RIOK1: variants seen among roughly 807,000 people sequenced by gnomAD.
RIOK1 encodes serine/threonine-protein kinase RIO1.
RIOK1 carries 66 observed loss-of-function variants against 73.5 expected under a neutral mutation model. The observed-to-expected ratio is 0.90, with a 90% CI of 0.74 to 1.10. RIOK1 has a LOEUF of 1.10. RIOK1 is among the 50% of genes least tolerant of loss of function. RIOK1 has a pLI of 0.00. For synonymous variants in RIOK1, 224 were observed against 226.8 expected, an observed-to-expected ratio of 0.99 and a Z score of 0.11; for missense variants, 658 against 699.8, an observed-to-expected ratio of 0.94 and a Z score of 0.67.
intron 6 of RIOK1, among the ~76,000 whole-genome samples, chr6:7,402,220 G>A (rs541448124): frequency 2.0e-5 from 3 of 152,198 alleles, no homozygotes; most frequent in Admixed American, 1.3e-4. Context: ...CAGGCTATAC[G>A]GTAGTTCCGA....
intron 6 of RIOK1, 119 bp from the exon 7 acceptor site, chr6:7,402,482 CAG>C (rs1234706523): frequency 1.4e-5 from 9 of 626,554 alleles, no homozygotes; most frequent in African/African-American, 9.3e-5. Context: ...ATTCAAAAGA[CAG>C]TGGTATTCCT....
chr6:7,401,027 G>A lies in RIOK1; in HGVS notation c.550G>A (p.Gly184Ser). The change falls in exon 6 of 17, where the codon GGC (glycine) becomes AGC (serine). Residue 184 changes from glycine to serine, a missense_variant. Physicochemically the swap from Gly to Ser is moderately conservative, Grantham distance 56. Transcript: ENST00000379834. The stretch of plus-strand genomic sequence containing the variant: ...TAGAGGAATCATAACAGAGATAAAT[G>A]GCTGCATTAGCACAGGAAAAGAAGT... Reference protein sequence around the residue: ...LTRGIITEINGCISTGKEANV... With the variant: ...LTRGIITEINSCISTGKEANV... 2 of 1,605,972 alleles carry A rather than the reference G, an allele frequency of 1.2e-6. No homozygotes were observed. The highest frequency in any genetic ancestry group is 1.7e-6 in the Non-Finnish European group (2 of 1,173,594).
In RIOK1 at chr6:7,412,883, T is replaced by C; in HGVS notation, c.1390-6T>C. On this transcript the variant is annotated splice_region_variant and splice_polypyrimidine_tract_variant and intron_variant, in intron 14 of 16. Coordinates refer to ENST00000379834, the MANE Select transcript of RIOK1 (RefSeq NM_031480.3). ...CTTATTTTTTTTTTTTCATTTTGGT[T>C]ATAAGATTCTATACCAGACTGTTAC... is the stretch of plus-strand genomic sequence containing the variant. The C allele has an allele frequency of 6.7e-7, 1 of 1,499,264 alleles. No homozygotes were observed. Among genetic ancestry groups the C allele is most frequent in the South Asian group, 1.3e-5 (1 of 78,378 alleles). 92.9% of individuals were successfully genotyped at this position (1,499,264 alleles called of 1,614,324 possible). A position where few individuals can be genotyped will look rare whatever the true frequency, so the allele number is the denominator to read the frequency against.
rs1761857768 is a variant in RIOK1, at chr6:7,410,416, G to C, written c.1234G>C (p.Glu412Gln). 1 of 1,612,964 alleles carries C rather than the reference G, an allele frequency of 6.2e-7. No homozygotes were observed. Among genetic ancestry groups the C allele is most frequent in the Admixed American group, 1.7e-5 (1 of 59,990 alleles). Reference protein sequence around the residue: ...AMEIASQRTKEERSSQDHVDE... With the variant: ...AMEIASQRTKQERSSQDHVDE... ...GGAAATAGCATCTCAAAGGACCAAG[G>C]AAGAACGGTCTAGCCAAGATCATGT... Residue 412 changes from glutamate to glutamine, a missense_variant, in exon 13 of 17, where the codon GAA becomes CAA. Coordinates refer to ENST00000379834, the MANE Select transcript of RIOK1 (RefSeq NM_031480.3).
chr6:7,394,899 T>C (rs1761433997), intron 2 of RIOK1, 154 bp from the exon 3 acceptor site: 1 of 1,187,552 alleles, frequency 8.4e-7, no homozygotes, highest in East Asian at 2.6e-5. Context: ...CTTTAAAAAA[T>C]TTTTTGAGCC....
At chr6:7,414,517 G>A (rs1761955203) in intron 16 of RIOK1, 127 bp downstream of exon 16, 2 of 876,568 alleles carry the variant, frequency 2.3e-6, no homozygotes, top group African/African-American at 3.4e-5. Flanking sequence ...TCTAATTACA[G>A]TTTTAATACC....
chr6:7,410,467 T>C lies in RIOK1; in HGVS notation c.1269+16T>C. On this transcript the variant is annotated intron_variant, in intron 13 of 16. Transcript: ENST00000379834. ...GGATGAAGAGGTAGGATTTATTATC[T>C]ATTCACAGCCTTTGGAAACACTTGT... 1.9e-6 allele frequency: 3 copies of C among 1,579,302 alleles called. No homozygotes were observed. The highest frequency in any genetic ancestry group is 1.7e-6 in the Non-Finnish European group (2 of 1,151,242).
At chr6:7,409,806 A>C (rs948100939) in intron 12 of RIOK1, among the ~76,000 whole-genome samples, 2 of 151,994 alleles carry the variant, frequency 1.3e-5, no homozygotes, top group Admixed American at 1.3e-4. Flanking sequence ...AAAAAAAAAA[A>C]AAAAAAAAAC....
chr6:7,390,272 T>C (rs1761296290), intron 1 of RIOK1, among the ~76,000 whole-genome samples, 199 bp downstream of exon 1: 1 of 152,214 alleles, frequency 6.6e-6, no homozygotes, highest in Non-Finnish European at 1.5e-5. Flanking sequence ...TGAAAGCTAC[T>C]TGTCAAGGGA....
Position 7,405,262 on chromosome 6 carries a change from G to A in RIOK1, c.1110G>A (p.Arg370=), listed in dbSNP as rs1459672700. 6.2e-7 allele frequency: 1 copy of A among 1,608,980 alleles called. No homozygotes were observed. Among genetic ancestry groups the A allele is most frequent in the East Asian group, 2.2e-5 (1 of 44,858 alleles). ...DCANVNDFFM[R]HSVAVMTVRE... ...TCCTTCTGACAGATTTCTTTATGAG[G>A]CACAGTGTTGCTGTCATGACTGTGC... Residue 370 remains arginine, a synonymous_variant, in exon 12 of 17, where the codon AGG becomes AGA. Transcript: ENST00000379834.
intron 12 of RIOK1, among the ~76,000 whole-genome samples, chr6:7,407,257 A>G (rs1761769572): frequency 6.6e-6 from 1 of 152,178 alleles, no homozygotes; most frequent in African/African-American, 2.4e-5. Flanking sequence ...ACCACCAACA[A>G]TGCACAAGGG....
At position 7,411,385 on chromosome 6, in the gene RIOK1, G is replaced by C. The variant is rs757044473; in HGVS notation, c.1323G>C (p.Glu441Asp). ...CCTTGAATGAAGTGAAAAATTATGA[G>C]AGGGATATGGACATAATTATGAAAT... The part of the protein sequence containing the change: ...PRTLNEVKNY[E>D]RDMDIIMKLK... The change falls in exon 14 of 17, where the codon GAG becomes GAC. Residue 441 changes from glutamate (E) to aspartate (D), a missense_variant. Physicochemically the swap from Glu to Asp is conservative, Grantham distance 45. Transcript: ENST00000379834. 1.2e-5 allele frequency: 19 copies of C among 1,613,612 alleles called. No homozygotes were observed. In the South Asian group the frequency reaches 2.1e-4, roughly 18 times the overall value.
rs746303422 is a variant in RIOK1, at chr6:7,404,042, G to A, written c.854+15G>A. On this transcript the variant is annotated intron_variant, in intron 9 of 16. Transcript: ENST00000379834. ...AAAGATGACATGTAAGTACATGGAA[G>A]GGCTAATAATTGCATTCTCAGAACT... 3.1e-5 allele frequency: 47 copies of A among 1,540,108 alleles called. No individual in the cohort carries two copies. Among genetic ancestry groups the A allele is most frequent in the Non-Finnish European group, 4.1e-5 (46 of 1,114,308 alleles).
In RIOK1 at chr6:7,395,732, CAG is replaced by C. The variant is rs909031840; in HGVS notation, c.367+590_367+591del. Among the ~76,000 whole-genome samples, 9 of 148,938 alleles carry C rather than the reference CAG, an allele frequency of 6.0e-5. 1 individual carries two copies. The East Asian group carries it at 1.8e-3, about 29-fold the overall frequency. Reference sequence around the variant, plus strand: ...TTTTAGGTTTTTTTTTTTTTTGAGACAGGGTCTCACTCTGTCACCCAGGCTAG... The same window carrying C: ...TTTTAGGTTTTTTTTTTTTTTGAGACGGTCTCACTCTGTCACCCAGGCTAG... On this transcript the variant is annotated intron_variant, in intron 3 of 16. Transcript: ENST00000379834.
Position 7,395,147 on chromosome 6 carries a change from A to T in RIOK1, c.367+4A>T. 1 of 1,608,404 alleles carries T rather than the reference A, an allele frequency of 6.2e-7. No homozygotes were observed. The highest frequency in any genetic ancestry group is 8.5e-7 in the Non-Finnish European group (1 of 1,177,006). ...TTTGAGAATAAAATTAATTTAGGTG[A>T]GTTTACAAAATACATCACTGGGCTA... On this transcript the variant is annotated splice_donor_region_variant and intron_variant, in intron 3 of 16. Coordinates refer to ENST00000379834, the MANE Select transcript of RIOK1 (RefSeq NM_031480.3).
intron 14 of RIOK1, among the ~76,000 whole-genome samples, chr6:7,412,132 G>A (rs2113528410): frequency 6.6e-6 from 1 of 152,278 alleles, no homozygotes; most frequent in East Asian, 1.9e-4. Flanking sequence ...AGGCTAAGGT[G>A]GGCGGATCAC....
At chr6:7,404,885 C>T in intron 10 of RIOK1, 33 bp from the exon 11 acceptor site, 1 of 1,529,554 alleles carries the variant, frequency 6.5e-7, no homozygotes, top group Non-Finnish European at 9.1e-7. Context: ...TAAAGTAATA[C>T]CATCCCACAG....
intron 12 of RIOK1, among the ~76,000 whole-genome samples, chr6:7,407,232 G>A (rs1314368727): frequency 6.6e-6 from 1 of 152,176 alleles, no homozygotes. Context: ...TGTAGTGGCT[G>A]CACCATTTTA....
intron 16 of RIOK1, among the ~76,000 whole-genome samples, chr6:7,416,416 AG>A (rs1581726152): frequency 6.6e-6 from 1 of 152,202 alleles, no homozygotes; most frequent in East Asian, 1.9e-4. Flanking sequence ...TGGGAGGCCA[AG>A]GCAGGTGGAT....
Sources: allele counts gnomAD v4.1 joint callset (sites outside exome capture counted in the v4.1 genomes callset), GRCh38; gene constraint gnomAD v4.1.1; transcripts MANE v1.5; gene names NCBI Gene and HGNC (gene_info 2026-07-23, HGNC 2026-07-21).